The following KCNAB2 variants were observed in gnomAD, a reference collection of about 807,000 sequenced individuals.
The protein encoded by KCNAB2 is voltage-gated potassium channel subunit beta-2.
KCNAB2 carries 29 observed loss-of-function variants against 63.6 expected under a neutral mutation model. The observed-to-expected ratio is 0.46, with a 90% CI of 0.34 to 0.62. KCNAB2 has a LOEUF of 0.62. KCNAB2 is among the 20% of genes least tolerant of loss of function. The probability of loss-of-function intolerance (pLI) is 0.01; values close to 1 mark genes in which losing one functional copy is unlikely to be tolerated. For synonymous variants in KCNAB2, 222 were observed against 224.2 expected (o/e 0.99, Z 0.09); for missense variants, 359 against 563.9 (o/e 0.64, Z 3.68).
At chr1:6,098,181 G>A (rs1665808657) in intron 15 of KCNAB2, 2 of 1,120,978 alleles carry the variant, frequency 1.8e-6, no homozygotes, top group Non-Finnish European at 2.2e-6. Context: ...CACGGACATG[G>A]AAGTCCAGCA....
intron 2 of KCNAB2, among the ~76,000 whole-genome samples, chr1:6,063,717 TC>T (rs1662514852): frequency 6.6e-6 from 1 of 152,206 alleles, no homozygotes; most frequent in Non-Finnish European, 1.5e-5. Flanking sequence ...GACACTTCCT[TC>T]TTTTTATGGC....
At chr1:6,076,641 A>C (rs1034667868) in intron 4 of KCNAB2, among the ~76,000 whole-genome samples, 1 of 152,214 alleles carries the variant, frequency 6.6e-6, no homozygotes, top group African/African-American at 2.4e-5. Context: ...CTCTGGCCAC[A>C]GGGGGTTCCA....
At chr1:6,021,669 T>C (rs1463609951) in intron 1 of KCNAB2, among the ~76,000 whole-genome samples, 1 of 151,304 alleles carries the variant, frequency 6.6e-6, no homozygotes, top group East Asian at 1.9e-4. Flanking sequence ...GTATTGAGGG[T>C]AAAGTGCAGT....
In KCNAB2 at chr1:6,078,274, C is replaced by T. The variant is rs1017937906; in HGVS notation, c.301-3921C>T. 3.3e-5 allele frequency among the ~76,000 whole-genome samples: 5 copies of T among 152,212 alleles called. No homozygotes were observed. The highest frequency in any genetic ancestry group is 9.7e-5 in the African/African-American group (4 of 41,450). ...GGTCACCTGTGATGGCACTGAGGGC[C>T]CACTTAGCTAAGCCAGGACATTCTC... On this transcript the variant is annotated intron_variant, in intron 4 of 15. Coordinates refer to ENST00000378083, the MANE Select transcript of KCNAB2 (RefSeq NM_001199862.2). The surrounding 1 kb of genome is among the most constrained non-coding windows in gnomAD (Gnocchi z 4.2).
chr1:6,002,873 T>C (rs1557918881), intron 1 of KCNAB2, among the ~76,000 whole-genome samples: 1 of 152,180 alleles, frequency 6.6e-6, no homozygotes, highest in Non-Finnish European at 1.5e-5. Context: ...GCCGTCACTG[T>C]TGTCCTTTGA....
intron 1 of KCNAB2, 126 bp downstream of exon 1, chr1:6,046,309 C>A: frequency 3.2e-6 from 2 of 619,336 alleles, no homozygotes; most frequent in Non-Finnish European, 4.0e-6. Context: ...GGAATTAGAC[C>A]CTCCGTGTTT....
At chr1:6,031,846 G>A (rs1659651036), upstream of KCNAB2, among the ~76,000 whole-genome samples, 3 of 152,126 alleles carry the variant, frequency 2.0e-5, no homozygotes, top group Admixed American at 1.3e-4. The surrounding 1 kb of genome is among the most constrained non-coding windows in gnomAD (Gnocchi z 4.1). Context: ...CCGTGATCAT[G>A]CCACTGCACT....
intron 1 of KCNAB2, among the ~76,000 whole-genome samples, chr1:6,048,419 C>T (rs1234910866): frequency 6.6e-6 from 1 of 152,246 alleles, no homozygotes; most frequent in Non-Finnish European, 1.5e-5. Context: ...CTCTGCCCAG[C>T]CTACCTCACA....
At chr1:6,046,656 T>C (rs564275397) in intron 1 of KCNAB2, among the ~76,000 whole-genome samples, 61 of 152,350 alleles carry the variant, frequency 4.0e-4, no homozygotes, top group African/African-American at 1.4e-3. Flanking sequence ...TTGCTGATTG[T>C]CCTTGAGCGA....
At position 6,003,147 on chromosome 1, in the gene KCNAB2, G is replaced by A. The variant is rs1028359420; in HGVS notation, c.-53+10359G>A. On this transcript the variant is annotated intron_variant, in intron 1 of 16. Coordinates refer to the KCNAB2 transcript ENST00000341524. The surrounding 1 kb of genome is among the most constrained non-coding windows in gnomAD (Gnocchi z 4.1). Reference sequence around the variant, plus strand: ...TCGCTCCTGAGCCACAGTCACCAGGGTGCCAGGTAAAGGGAAACCACATGG... The same window carrying A: ...TCGCTCCTGAGCCACAGTCACCAGGATGCCAGGTAAAGGGAAACCACATGG... 5.3e-5 allele frequency among the ~76,000 whole-genome samples: 8 copies of A among 152,234 alleles called. No homozygotes were observed. The highest frequency in any genetic ancestry group is 1.9e-4 in the African/African-American group (8 of 41,470).
chr1:6,038,019 C>T (rs1256333164), intron 1 of KCNAB2, among the ~76,000 whole-genome samples: 6 of 151,790 alleles, frequency 4.0e-5, no homozygotes, highest in Admixed American at 2.6e-4. Flanking sequence ...GGACTACAGG[C>T]GCCCGCCATC....
chr1:6,073,653 A>G lies in KCNAB2; in HGVS notation c.263-80A>G. 1.4e-6 allele frequency: 2 copies of G among 1,392,326 alleles called. No homozygotes were observed. The highest frequency in any genetic ancestry group is 2.0e-6 in the Non-Finnish European group (2 of 978,704). 86.2% of individuals were successfully genotyped at this position (1,392,326 alleles called of 1,614,324 possible). On this transcript the variant is annotated intron_variant, in intron 3 of 15. Coordinates refer to ENST00000378083, the MANE Select transcript of KCNAB2 (RefSeq NM_001199862.2). This position sits in a 1 kb window ranked among gnomAD's most constrained non-coding sequence, Gnocchi z 5.7. ...CACCTGTGGCTGCCCCCTGTGCCCT[A>G]CAGCCTGAGGTCTGAGCACCGACGG...
At position 6,085,197 on chromosome 1, in the gene KCNAB2, T is replaced by C. The variant is rs1664593026; in HGVS notation, c.381-7T>C. The C allele has an allele frequency of 6.2e-7, 1 of 1,613,894 alleles. No individual in the cohort carries two copies. On this transcript the variant is annotated splice_region_variant and splice_polypyrimidine_tract_variant and intron_variant, in intron 5 of 15. Transcript: ENST00000378083. The stretch of plus-strand genomic sequence containing the variant: ...CTGTGATGAGAGCTCGGTGTCTTGT[T>C]TTGCAGGGCTGAAGTGGTACTGGGA...
chr1:6,051,490 A>G, intron 1 of KCNAB2, 21 bp from the exon 2 acceptor site: 1 of 1,473,774 alleles, frequency 6.8e-7, no homozygotes, highest in Non-Finnish European at 9.0e-7. Flanking sequence ...CACACTGTCT[A>G]ACTCATCACC....
At position 6,088,709 on chromosome 1, in the gene KCNAB2, T is replaced by A. The variant is rs765392545; in HGVS notation, c.471-299T>A. ...GATGTGTTCTTAATTTAAAAAATAA[T>A]AATAATAATAATAATAATAATAAGT... On this transcript the variant is annotated intron_variant, in intron 7 of 15. Transcript: ENST00000378083. Among the ~76,000 whole-genome samples the A allele has an allele frequency of 2.4e-3, 276 of 117,324 alleles. 1 individual carries two copies. The highest frequency in any genetic ancestry group is 4.1e-3 in the Non-Finnish European group (218 of 53,546). The allele number at this position is 117,324 out of a possible 152,430, so 77.0% of individuals were successfully genotyped here. A position where few individuals can be genotyped will look rare whatever the true frequency, so the allele number is the denominator to read the frequency against.
chr1:6,016,439 C>T (rs1461047939), intron 1 of KCNAB2, among the ~76,000 whole-genome samples: 2 of 152,210 alleles, frequency 1.3e-5, no homozygotes, highest in Non-Finnish European at 2.9e-5. Flanking sequence ...TCAATGTGTC[C>T]ACCCCCTTGA....
chr1:6,099,941 G>A lies in KCNAB2; in HGVS notation c.*1367G>A. ...GTGCCACCTACAGGCCCAGGCCTGTGTCCCAAGCAGTACCCAGGCTTTGCA... is the reference window on the plus strand; with the variant it reads ...GTGCCACCTACAGGCCCAGGCCTGTATCCCAAGCAGTACCCAGGCTTTGCA... On this transcript the variant is annotated 3_prime_UTR_variant, in exon 16 of 16. Transcript: ENST00000378083. 1 of 1,550,402 alleles carries A rather than the reference G, an allele frequency of 6.4e-7. No homozygotes were observed. The highest frequency in any genetic ancestry group is 1.7e-4 in the Middle Eastern group (1 of 5,984).
In KCNAB2 at chr1:6,091,313, C is replaced by A; in HGVS notation, c.646+6C>A. On this transcript the variant is annotated splice_donor_region_variant and intron_variant, in intron 10 of 15. Transcript: ENST00000378083. ...AAGGACATTCATCATAGAAGGTACA[C>A]AGTGCCCCCAGCCTGACTATTGACT... 1.3e-6 allele frequency: 2 copies of A among 1,525,432 alleles called. No homozygotes were observed. The highest frequency in any genetic ancestry group is 1.8e-6 in the Non-Finnish European group (2 of 1,137,270). The allele number at this position is 1,525,432 out of a possible 1,614,324, so 94.5% of individuals were successfully genotyped here. A position where few individuals can be genotyped will look rare whatever the true frequency, so the allele number is the denominator to read the frequency against.
chr1:6,097,576 G>A (rs779916972), intron 15 of KCNAB2: 3 of 798,678 alleles, frequency 3.8e-6, no homozygotes, highest in Admixed American at 2.3e-5. Flanking sequence ...GTGTCAGGGT[G>A]GACGAGCGCT....
Sources: gnomAD v4.1 joint callset for allele counts (sites outside exome capture counted in the v4.1 genomes callset) on GRCh38, gnomAD v4.1.1 for gene constraint, Gnocchi (gnomAD v3.1) non-coding constraint, MANE v1.5 for transcripts, NCBI Gene and HGNC (gene_info 2026-07-23, HGNC 2026-07-21) for gene names.